Variants in ZSWIM2 observed in about 807,000 individuals in gnomAD.
ZSWIM2 encodes zinc finger SWIM-type containing 2.
Under a neutral mutation model 48.4 loss-of-function variants are expected in ZSWIM2, and 38 were observed. That is an observed-to-expected ratio of 0.79 (90% CI 0.61 to 1.03). The LOEUF (loss-of-function observed/expected upper bound fraction) is 1.03. ZSWIM2 is among the 50% of genes least tolerant of loss of function. The probability of loss-of-function intolerance (pLI) is 0.00; values close to 1 mark genes in which losing one functional copy is unlikely to be tolerated. For synonymous variants in ZSWIM2, 240 were observed against 251.3 expected (o/e 0.96, Z 0.42); for missense variants, 776 against 730.2 (o/e 1.06, Z -0.72).
intron 3 of ZSWIM2, among the ~76,000 whole-genome samples, chr2:186,842,884 A>C (rs1251999778): frequency 2.0e-5 from 3 of 151,588 alleles, no homozygotes; most frequent in Non-Finnish European, 4.4e-5. Flanking sequence ...TCTATTTTTC[A>C]GCTACAAATT....
intron 2 of ZSWIM2, among the ~76,000 whole-genome samples, chr2:186,846,054 C>G (rs1691993535): frequency 6.6e-6 from 1 of 151,752 alleles, no homozygotes. Flanking sequence ...CTAGGAAACT[C>G]TTCTGGACAT....
In ZSWIM2 at chr2:186,839,091, G is replaced by A; in HGVS notation, c.362C>T (p.Pro121Leu). The A allele has an allele frequency of 6.2e-7, 1 of 1,611,798 alleles. No individual in the cohort carries two copies. The highest frequency in any genetic ancestry group is 8.5e-7 in the Non-Finnish European group (1 of 1,178,464). ...ATGTTCATTTTCGTCATTTGTTCCTGGTTGGGGAGTTTGAACTCGATGTAT... is the reference window on the plus strand; with the variant it reads ...ATGTTCATTTTCGTCATTTGTTCCTAGTTGGGGAGTTTGAACTCGATGTAT... Reference protein sequence around the residue: ...RGIHRVQTPQPGTNDENEHVE... With the variant: ...RGIHRVQTPQLGTNDENEHVE... The change falls in exon 4 of 9, where the codon CCA (proline) becomes CTA (leucine). Residue 121 changes from proline (P) to leucine (L), a missense_variant. Pro to Leu is a moderately conservative substitution (Grantham distance 98). Transcript: ENST00000295131.
Position 186,849,026 on chromosome 2 carries a change from T to A in ZSWIM2, c.105A>T (p.Arg35=), listed in dbSNP as rs771024014. ...QALSSSIYLL[R]EMGPTGFLLR... is the part of the protein sequence containing the mutation. ...GCAGGAAGCCAGTGGGGCCCATCTCTCGTAGGAGGTAGATGCTGCTACTCA... is the reference window on the plus strand; with the variant it reads ...GCAGGAAGCCAGTGGGGCCCATCTCACGTAGGAGGTAGATGCTGCTACTCA... Residue 35 remains arginine, a synonymous_variant, in exon 1 of 9, where the codon CGA becomes CGT. Coordinates refer to ENST00000295131, the MANE Select transcript of ZSWIM2 (RefSeq NM_182521.3). The A allele has an allele frequency of 6.2e-7, 1 of 1,614,054 alleles. No homozygotes were observed. Among genetic ancestry groups the A allele is most frequent in the Non-Finnish European group, 8.5e-7 (1 of 1,180,020 alleles).
At position 186,837,521 on chromosome 2, in the gene ZSWIM2, G is replaced by A. The variant is rs771201895; in HGVS notation, c.528C>T (p.Cys176=). 1 of 1,610,826 alleles carries A rather than the reference G, an allele frequency of 6.2e-7. No homozygotes were observed. Among genetic ancestry groups the A allele is most frequent in the Non-Finnish European group, 8.5e-7 (1 of 1,178,182 alleles). The part of the protein sequence containing the change: ...FGCGNSIHIK[C]MKILANYQST... ...TCTGATAATTAGCTAAGATCTTCATGCATTTTATATGAATACTATTGCCAC... is the reference window on the plus strand; with the variant it reads ...TCTGATAATTAGCTAAGATCTTCATACATTTTATATGAATACTATTGCCAC... Residue 176 remains cysteine (C), a synonymous_variant, in exon 5 of 9, where the codon TGC becomes TGT. Coordinates refer to ENST00000295131, the MANE Select transcript of ZSWIM2 (RefSeq NM_182521.3).
At chr2:186,838,533 A>G (rs955944922) in intron 4 of ZSWIM2, among the ~76,000 whole-genome samples, 18 of 148,988 alleles carry the variant, frequency 1.2e-4, no homozygotes, top group Non-Finnish European at 2.1e-4. Context: ...CACAGAAATT[A>G]CTCTACCCTT....
In ZSWIM2 at chr2:186,839,050, A is replaced by C. The variant is rs757702862; in HGVS notation, c.403T>G (p.Tyr135Asp). The C allele has an allele frequency of 1.4e-5, 22 of 1,611,672 alleles. No individual in the cohort carries two copies. Among genetic ancestry groups the C allele is most frequent in the Non-Finnish European group, 1.6e-5 (19 of 1,178,400 alleles). ...DENEHVEEDG[Y>D]IKQKEIDSED... is the part of the protein sequence containing the mutation. ...GAATCAATTTCCTTCTGTTTAATGT[A>C]CCCATCTTCTTCAACATGTTCATTT... Residue 135 changes from tyrosine to aspartate, a missense_variant, in exon 4 of 9, where the codon TAC becomes GAC. Transcript: ENST00000295131.
intron 6 of ZSWIM2, 46 bp from the exon 7 acceptor site, chr2:186,833,278 T>G: frequency 1.1e-6 from 1 of 948,702 alleles, no homozygotes; most frequent in Non-Finnish European, 1.6e-6. Context: ...TCGTGGATAT[T>G]TTCATTTTGT....
In ZSWIM2 at chr2:186,849,042, C is replaced by T. The variant is rs1319684700; in HGVS notation, c.89G>A (p.Ser30Asn). 6.2e-7 allele frequency: 1 copy of T among 1,614,084 alleles called. No individual in the cohort carries two copies. Among genetic ancestry groups the T allele is most frequent in the Non-Finnish European group, 8.5e-7 (1 of 1,180,044 alleles). ...SWHQDQALSSSIYLLREMGPT... is the reference protein window; with the variant it reads ...SWHQDQALSSNIYLLREMGPT... Reference sequence around the variant, plus strand: ...GCCCATCTCTCGTAGGAGGTAGATGCTGCTACTCAGCGCCTGGTCTTGGTG... The same window carrying T: ...GCCCATCTCTCGTAGGAGGTAGATGTTGCTACTCAGCGCCTGGTCTTGGTG... The change falls in exon 1 of 9, where the codon AGC becomes AAC. Residue 30 changes from serine to asparagine, a missense_variant. Ser to Asn is a conservative substitution (Grantham distance 46, BLOSUM62 1). Transcript: ENST00000295131.
At position 186,844,837 on chromosome 2, in the gene ZSWIM2, A is replaced by G. The variant is rs1691967853; in HGVS notation, c.243-80T>C. 5 of 1,212,534 alleles carry G rather than the reference A, an allele frequency of 4.1e-6. No individual in the cohort carries two copies. The African/African-American group carries it at 4.9e-5, about 12-fold the overall frequency. 75.1% of individuals were successfully genotyped at this position (1,212,534 alleles called of 1,614,324 possible). A position where few individuals can be genotyped will look rare whatever the true frequency, so the allele number is the denominator to read the frequency against. ...AAAGACATTTAAAAATATTTAGAAT[A>G]GAAATTGAATTATAAGATTTATATT... On this transcript the variant is annotated intron_variant, in intron 2 of 8. Transcript: ENST00000295131.
In ZSWIM2 at chr2:186,834,058, A is replaced by G. The variant is rs763070322; in HGVS notation, c.744-28T>C. 3 of 1,545,746 alleles carry G rather than the reference A, an allele frequency of 1.9e-6. No homozygotes were observed. In the African/African-American group the frequency reaches 4.1e-5, roughly 21 times the overall value. Reference sequence around the variant, plus strand: ...AAAAATACAAAACATCAAAACACGCAAGAAAAAAAAATCCAATTATTGTGA... The same window carrying G: ...AAAAATACAAAACATCAAAACACGCGAGAAAAAAAAATCCAATTATTGTGA... On this transcript the variant is annotated intron_variant, in intron 5 of 8. Coordinates refer to ENST00000295131, the MANE Select transcript of ZSWIM2 (RefSeq NM_182521.3).
At chr2:186,840,697 A>G (rs1291181216) in intron 3 of ZSWIM2, among the ~76,000 whole-genome samples, 1 of 151,004 alleles carries the variant, frequency 6.6e-6, no homozygotes, top group Non-Finnish European at 1.5e-5. Flanking sequence ...AAAAATAATA[A>G]AATGAGCAGA....
At chr2:186,846,534 G>A (rs566767648) in intron 2 of ZSWIM2, among the ~76,000 whole-genome samples, 16 of 151,866 alleles carry the variant, frequency 1.1e-4, no homozygotes, top group Non-Finnish European at 2.2e-4. Flanking sequence ...CTATTGCTAG[G>A]AATGTAAATT....
At chr2:186,844,564 T>A (rs956000607) in intron 3 of ZSWIM2, among the ~76,000 whole-genome samples, 153 bp downstream of exon 3, 1 of 151,472 alleles carries the variant, frequency 6.6e-6, no homozygotes, top group Non-Finnish European at 1.5e-5. Flanking sequence ...CCAAGTGTCT[T>A]AAGTTTAAGA....
Position 186,849,144 on chromosome 2 carries a change from G to A in ZSWIM2, c.-14C>T. The A allele has an allele frequency of 6.2e-7, 1 of 1,601,246 alleles. No homozygotes were observed. Among genetic ancestry groups the A allele is most frequent in the Non-Finnish European group, 8.5e-7 (1 of 1,171,864 alleles). On this transcript the variant is annotated 5_prime_UTR_variant, in exon 1 of 9. Coordinates refer to ENST00000295131, the MANE Select transcript of ZSWIM2 (RefSeq NM_182521.3). ...TCGGCGAAGCATGCTGGGTGCGGGC[G>A]GAGGCGGCCCCTCTGCTCGGCTCAC... is the stretch of plus-strand genomic sequence containing the variant.
At chr2:186,838,863 C>G (rs2105819746) in intron 4 of ZSWIM2, 96 bp downstream of exon 4, 1 of 1,034,732 alleles carries the variant, frequency 9.7e-7, no homozygotes, top group South Asian at 1.9e-5. Context: ...GTAAAGTTGT[C>G]TATTTTTTCC....
In ZSWIM2 at chr2:186,828,734, A is replaced by G; in HGVS notation, c.1152T>C (p.Ile384=). ...AAGGGTTATATATAACTTGTCCATC[A>G]ATAGGGCATGAATTGCACTTGTGGA... ...WLFHKCNSCP[I]DGQVIYNPLT... Residue 384 remains isoleucine (I), a synonymous_variant, in exon 9 of 9, where the codon ATT becomes ATC. Coordinates refer to ENST00000295131, the MANE Select transcript of ZSWIM2 (RefSeq NM_182521.3). 2 of 1,607,140 alleles carry G rather than the reference A, an allele frequency of 1.2e-6. No individual in the cohort carries two copies. Among genetic ancestry groups the G allele is most frequent in the Non-Finnish European group, 1.7e-6 (2 of 1,177,242 alleles).
At chr2:186,840,417 A>G (rs1304250391) in intron 3 of ZSWIM2, among the ~76,000 whole-genome samples, 1 of 151,678 alleles carries the variant, frequency 6.6e-6, no homozygotes, top group Non-Finnish European at 1.5e-5. Flanking sequence ...AAATTAATGT[A>G]TAAGACTATG....
At position 186,829,753 on chromosome 2, in the gene ZSWIM2, T is replaced by C. The variant is rs200952507; in HGVS notation, c.1069A>G (p.Thr357Ala). Residue 357 changes from threonine (T) to alanine (A), a missense_variant, in exon 8 of 9, where the codon ACA (threonine) becomes GCA (alanine). Coordinates refer to ENST00000295131, the MANE Select transcript of ZSWIM2 (RefSeq NM_182521.3). ...TTGTGAGTACATGGTAGCAATCTTG[T>C]ATGTTGACCAAGATGAAATGCCTTC... ...CLKAFHLGQH[T>A]RLLPCTHKFH... 1.5e-5 allele frequency: 24 copies of C among 1,613,362 alleles called. No individual in the cohort carries two copies. Among genetic ancestry groups the C allele is most frequent in the Non-Finnish European group, 1.9e-5 (23 of 1,179,706 alleles).
At chr2:186,841,131 G>T (rs73037785) in intron 3 of ZSWIM2, among the ~76,000 whole-genome samples, 1 of 151,346 alleles carries the variant, frequency 6.6e-6, no homozygotes, top group African/African-American at 2.4e-5. Flanking sequence ...TTATTTGAAG[G>T]CATTTTAGAT....
Sources: gnomAD v4.1 joint callset for allele counts (sites outside exome capture counted in the v4.1 genomes callset) on GRCh38, gnomAD v4.1.1 for gene constraint, MANE v1.5 for transcripts, NCBI Gene and HGNC (gene_info 2026-07-23, HGNC 2026-07-21) for gene names.